Variants in SRSF12 observed in about 807,000 individuals in gnomAD.
SRSF12 encodes serine/arginine-rich splicing factor 12.
SRSF12 carries 21 observed loss-of-function variants against 34.1 expected under a neutral mutation model. The ratio of observed to expected loss-of-function variants is 0.62; its 90% CI spans 0.44 to 0.89. SRSF12 has a LOEUF of 0.89. Among genes scored for constraint, SRSF12 ranks in the 40% least tolerant of loss-of-function variants. The pLI, the probability that SRSF12 is intolerant of heterozygous loss-of-function variation, is 0.00. For synonymous variants in SRSF12, 111 were observed against 110.8 expected (o/e 1.00, Z -0.01); for missense variants, 278 against 327.8 (o/e 0.85, Z 1.17).
At chr6:89,099,411 T>TACAC (rs756851047) in intron 4 of SRSF12, among the ~76,000 whole-genome samples, 1,974 of 82,702 alleles carry the variant, frequency 0.024, 27 homozygotes, top group Non-Finnish European at 0.036. Flanking sequence ...TCCATATATA[T>TACAC]ATACATATAT....
intron 2 of SRSF12, 116 bp from the exon 3 acceptor site, chr6:89,105,646 A>C: frequency 4.2e-6 from 3 of 706,678 alleles, no homozygotes; most frequent in Non-Finnish European, 6.7e-6. Flanking sequence ...TATTAAGCTC[A>C]CATCTTCAAT....
chr6:89,105,047 C>A (rs1345590001), intron 4 of SRSF12, 72 bp downstream of exon 4: 5 of 1,361,950 alleles, frequency 3.7e-6, no homozygotes, highest in African/African-American at 1.7e-5. Flanking sequence ...AACAATGAGA[C>A]CCTATCAAAA....
Position 89,098,051 on chromosome 6 carries a change from C to CTAT in SRSF12, c.*524_*526dup, listed in dbSNP as rs934343831. Reference sequence around the variant, plus strand: ...AATGTATCTTTTGAATGTTTGATCTCTATATATATTCTACTTTTTGGAACA... The same window carrying CTAT: ...AATGTATCTTTTGAATGTTTGATCTCTATTATATATATTCTACTTTTTGGAACA... On this transcript the variant is annotated 3_prime_UTR_variant, in exon 5 of 5. Coordinates refer to ENST00000452027, the MANE Select transcript of SRSF12 (RefSeq NM_080743.5). 2.6e-5 allele frequency: 4 copies of CTAT among 152,640 alleles called. No individual in the cohort carries two copies. The highest frequency in any genetic ancestry group is 9.7e-5 in the African/African-American group (4 of 41,424). 9.5% of individuals were successfully genotyped at this position (152,640 alleles called of 1,614,324 possible). A position where few individuals can be genotyped will look rare whatever the true frequency, so the allele number is the denominator to read the frequency against.
In SRSF12 at chr6:89,098,718, G is replaced by C. The variant is rs781714886; in HGVS notation, c.646C>G (p.His216Asp). The change falls in exon 5 of 5, where the codon CAT (histidine) becomes GAT (aspartate). Residue 216 changes from histidine (H) to aspartate (D), a missense_variant. Coordinates refer to ENST00000452027, the MANE Select transcript of SRSF12 (RefSeq NM_080743.5). ...GGGGATCTTGCTATTGAGTCAGAAT[G>C]TCTTCCATGTGATCTTGATTTTGTT... ...SGTKSRSHGR[H>D]SDSIARSPCK... 2 of 1,613,972 alleles carry C rather than the reference G, an allele frequency of 1.2e-6. No homozygotes were observed. The highest frequency in any genetic ancestry group is 1.6e-4 in the Middle Eastern group (1 of 6,062).
At chr6:89,111,368 AT>A (rs1372567302) in intron 1 of SRSF12, among the ~76,000 whole-genome samples, 1 of 152,174 alleles carries the variant, frequency 6.6e-6, no homozygotes, top group Admixed American at 6.5e-5. Flanking sequence ...GGTTCTGCAC[AT>A]TTTTTGTTAA....
intron 4 of SRSF12, among the ~76,000 whole-genome samples, chr6:89,099,539 T>TA (rs61510593): frequency 0.3 from 7,836 of 25,846 alleles, 747 homozygotes; most frequent in African/African-American, 0.44. Context: ...CACATACATG[T>TA]TTTTTTTTTT....
At chr6:89,100,876 G>A (rs1034458309) in intron 4 of SRSF12, among the ~76,000 whole-genome samples, 6 of 152,190 alleles carry the variant, frequency 3.9e-5, no homozygotes, top group Non-Finnish European at 8.8e-5. Context: ...AGGCCAAGGC[G>A]AGTGGATCAC....
intron 1 of SRSF12, among the ~76,000 whole-genome samples, chr6:89,111,675 G>A (rs992404622): frequency 5.3e-5 from 8 of 152,032 alleles, no homozygotes; most frequent in Non-Finnish European, 8.8e-5. Context: ...GCAATAAAAC[G>A]TTGGCGGTTG....
rs374674232 is a variant in SRSF12 at position 89,101,613 on chromosome 6, G to C, written c.417-2666C>G. On this transcript the variant is annotated intron_variant, in intron 4 of 4. Coordinates refer to ENST00000452027, the MANE Select transcript of SRSF12 (RefSeq NM_080743.5). The stretch of plus-strand genomic sequence containing the variant: ...GGCGGGAGGCTGAGGCAGGAGAATC[G>C]CTTGAATCTGGGAGGCGGAGGTTGT... Among the ~76,000 whole-genome samples, 358 of 151,936 alleles carry C rather than the reference G, an allele frequency of 2.4e-3. 4 individuals are homozygous for C. Among genetic ancestry groups the C allele is most frequent in the African/African-American group, 7.9e-3 (329 of 41,434 alleles).
chr6:89,107,162 A>G lies in SRSF12; in HGVS notation c.162T>C (p.Ala54=). The change falls in exon 2 of 5, where the codon GCT becomes GCC. Residue 54 remains alanine, a synonymous_variant. Transcript: ENST00000452027. The part of the protein sequence containing the change: ...DFYTRRPRGF[A]YVQFEDVRDA... ...AATAAAATAAAGGATATTGAACATA[A>G]GCAAATCCTCTTGGGCGGCGAGTGT... 6.2e-7 allele frequency: 1 copy of G among 1,614,054 alleles called. No homozygotes were observed. Among genetic ancestry groups the G allele is most frequent in the Non-Finnish European group, 8.5e-7 (1 of 1,179,896 alleles).
intron 1 of SRSF12, among the ~76,000 whole-genome samples, chr6:89,114,860 T>C (rs929212608): frequency 6.6e-6 from 1 of 151,024 alleles, no homozygotes; most frequent in African/African-American, 2.4e-5. Flanking sequence ...GCAATGGTAC[T>C]ATCTCGGCTC....
In SRSF12 at chr6:89,098,536, T is replaced by TA. The variant is rs1768358761; in HGVS notation, c.*41dup. The TA allele has an allele frequency of 6.5e-7, 1 of 1,539,816 alleles. No individual in the cohort carries two copies. The highest frequency in any genetic ancestry group is 1.8e-4 in the Middle Eastern group (1 of 5,696). ...TTTATTTAACATAATGAGAGTTTAA[T>TA]AACTTATATTAAAGACGGCGTGGTG... is the stretch of plus-strand genomic sequence containing the variant. On this transcript the variant is annotated 3_prime_UTR_variant, in exon 5 of 5. Coordinates refer to ENST00000452027, the MANE Select transcript of SRSF12 (RefSeq NM_080743.5).
At chr6:89,112,732 T>C (rs1769117842) in intron 1 of SRSF12, among the ~76,000 whole-genome samples, 1 of 152,130 alleles carries the variant, frequency 6.6e-6, no homozygotes, top group Non-Finnish European at 1.5e-5. Flanking sequence ...TTTCCATATA[T>C]AGCTTTTTCC....
At chr6:89,106,141 A>G (rs1392008758) in intron 2 of SRSF12, among the ~76,000 whole-genome samples, 1 of 152,098 alleles carries the variant, frequency 6.6e-6, no homozygotes, top group Non-Finnish European at 1.5e-5. Context: ...TGTTTTTGAG[A>G]TGGAGTTTCC....
intron 1 of SRSF12, among the ~76,000 whole-genome samples, chr6:89,115,320 C>T (rs1489555677): frequency 4.6e-5 from 7 of 152,086 alleles, no homozygotes; most frequent in Non-Finnish European, 8.8e-5. Context: ...CTCACTCTGT[C>T]GCCCAGGCTG....
chr6:89,105,569 A>G, intron 2 of SRSF12, 39 bp from the exon 3 acceptor site: 1 of 1,387,848 alleles, frequency 7.2e-7, no homozygotes, highest in Non-Finnish European at 9.8e-7. Flanking sequence ...ATGAGATATC[A>G]AGTAAACATA....
chr6:89,115,510 C>T (rs1214076336), intron 1 of SRSF12, among the ~76,000 whole-genome samples: 1 of 151,904 alleles, frequency 6.6e-6, no homozygotes, highest in Non-Finnish European at 1.5e-5. Context: ...TCGAACCCCT[C>T]ACCTCAAGTG....
intron 4 of SRSF12, among the ~76,000 whole-genome samples, chr6:89,099,835 GA>G (rs1562192899): frequency 6.6e-6 from 1 of 151,816 alleles, no homozygotes; most frequent in Non-Finnish European, 1.5e-5. Context: ...ACACCCAGCC[GA>G]AAACAACTAT....
At chr6:89,116,918 ACT>A (rs1346149582) in intron 1 of SRSF12, among the ~76,000 whole-genome samples, 3 of 151,720 alleles carry the variant, frequency 2.0e-5, no homozygotes, top group Non-Finnish European at 4.4e-5. Context: ...AATCATTAAA[ACT>A]CTTAGTTTCC....
Sources: allele counts gnomAD v4.1 joint callset (sites outside exome capture counted in the v4.1 genomes callset), GRCh38; gene constraint gnomAD v4.1.1; transcripts MANE v1.5; gene names NCBI Gene and HGNC (gene_info 2026-07-23, HGNC 2026-07-21).